CYREN: variants seen among roughly 807,000 people sequenced by gnomAD.
CYREN encodes the protein cell cycle regulator of non-homologous end joining.
In CYREN, 7 loss-of-function variants were observed where a neutral mutation model predicts 9.7. The ratio of observed to expected loss-of-function variants is 0.72; its 90% CI spans 0.41 to 1.36. The LOEUF (loss-of-function observed/expected upper bound fraction) is 1.36. Ranked by LOEUF, CYREN falls within the 40% of genes most tolerant of loss-of-function variation. The pLI, the probability that CYREN is intolerant of heterozygous loss-of-function variation, is 0.01. For missense variants in CYREN, 215 were observed against 198.1 expected (o/e 1.09, Z -0.51); for synonymous variants, 76 against 77.9 (o/e 0.98, Z 0.13).
chr7:135,134,205 T>C (rs1404440841), intron 2 of CYREN, among the ~76,000 whole-genome samples: 4 of 152,012 alleles, frequency 2.6e-5, no homozygotes, highest in African/African-American at 4.8e-5. Context: ...TTTGGGGAAA[T>C]TGGGTGAAGA....
chr7:135,122,570 C>T (rs1827285694), intron 2 of CYREN, among the ~76,000 whole-genome samples: 1 of 152,192 alleles, frequency 6.6e-6, no homozygotes, highest in South Asian at 2.1e-4. Flanking sequence ...TTCCCCCTGC[C>T]ACCCAACTGG....
chr7:135,115,173 C>T (rs1228802439), intron 2 of CYREN, among the ~76,000 whole-genome samples: 1 of 152,278 alleles, frequency 6.6e-6, no homozygotes, highest in Admixed American at 6.5e-5. Flanking sequence ...CTCTACTCCC[C>T]TCCGCAGCTT....
At chr7:135,150,754 G>T (rs1004202896) in intron 2 of CYREN, among the ~76,000 whole-genome samples, 1 of 152,202 alleles carries the variant, frequency 6.6e-6, no homozygotes, top group East Asian at 1.9e-4. Context: ...GTGGCAGGAG[G>T]CTGAGGCAGG....
intron 2 of CYREN, among the ~76,000 whole-genome samples, chr7:135,159,724 A>G (rs895923480): frequency 6.6e-6 from 1 of 152,262 alleles, no homozygotes; most frequent in African/African-American, 2.4e-5. Context: ...CTGAAACTCA[A>G]AATTATTTTT....
chr7:135,167,166 T>A, intron 3 of CYREN: 1 of 985,380 alleles, frequency 1.0e-6, no homozygotes, highest in East Asian at 1.1e-4. Context: ...GAAAGGCCGG[T>A]GACAGAACCC....
chr7:135,095,282 C>T (rs961005663), intron 2 of CYREN, among the ~76,000 whole-genome samples: 2 of 152,108 alleles, frequency 1.3e-5, no homozygotes, highest in African/African-American at 4.8e-5. Flanking sequence ...AGGATACTTC[C>T]TCTCCCCCAT....
rs1830283144 is a variant in CYREN, at chr7:135,167,755, C to T, written c.190G>A (p.Val64Ile). ...YCMNEAEIVD[V>I]ALGILIESRK... ...ACCTCAATCAGGATTCCCAGAGCAA[C>T]ATCAACTATCTCAGCCTCATTCATG... Residue 64 changes from valine to isoleucine, a missense_variant, in exon 3 of 4, where the codon GTT becomes ATT. Coordinates refer to ENST00000393114, the MANE Select transcript of CYREN (RefSeq NM_024033.4). The T allele has an allele frequency of 6.2e-7, 1 of 1,614,164 alleles. No homozygotes were observed. Among genetic ancestry groups the T allele is most frequent in the Admixed American group, 1.7e-5 (1 of 60,020 alleles).
chr7:135,101,032 GAGT>G (rs567958430), intron 2 of CYREN: 1 of 372,130 alleles, frequency 2.7e-6, no homozygotes, highest in South Asian at 2.1e-5. Context: ...ACTCTTACAT[GAGT>G]AGCTTACTGT....
intron 2 of CYREN, chr7:135,135,205 G>A: frequency 6.5e-7 from 1 of 1,545,794 alleles, no homozygotes; most frequent in Non-Finnish European, 8.7e-7. Flanking sequence ...GGATGAGCAG[G>A]CCAATAAGAA....
intron 2 of CYREN, among the ~76,000 whole-genome samples, chr7:135,158,307 C>T (rs1175863788): frequency 1.3e-5 from 2 of 152,248 alleles, no homozygotes; most frequent in African/African-American, 2.4e-5. Context: ...AGCCTGATTT[C>T]CCTGTTAATC....
At chr7:135,109,342 T>A (rs1825260846) in intron 2 of CYREN, among the ~76,000 whole-genome samples, 1 of 152,192 alleles carries the variant, frequency 6.6e-6, no homozygotes, top group African/African-American at 2.4e-5. Context: ...AACCCACCTC[T>A]CCCACTGAGA....
chr7:135,096,558 A>AAGATAGAAAGATAGAT (rs1822773897), intron 2 of CYREN, among the ~76,000 whole-genome samples: 1 of 79,730 alleles, frequency 1.3e-5, no homozygotes, highest in African/African-American at 4.6e-5. Context: ...GAAAGAAAGA[A>AAGATAGAAAGATAGAT]AGATAGATAG....
At chr7:135,110,481 T>C (rs1825468913) in intron 2 of CYREN, among the ~76,000 whole-genome samples, 1 of 152,012 alleles carries the variant, frequency 6.6e-6, no homozygotes, top group African/African-American at 2.4e-5. Context: ...CAGGAATTGG[T>C]GGAGTGGGTT....
chr7:135,113,620 T>C (rs2117166199), intron 2 of CYREN, among the ~76,000 whole-genome samples: 1 of 152,350 alleles, frequency 6.6e-6, no homozygotes, highest in South Asian at 2.1e-4. Context: ...CTTCAGGCTT[T>C]ACTCAGGGTT....
chr7:135,167,674 T>C, intron 3 of CYREN, 58 bp downstream of exon 3: 1 of 1,606,400 alleles, frequency 6.2e-7, no homozygotes, highest in Non-Finnish European at 8.5e-7. Context: ...TGACCAAGGG[T>C]CTAGCCTCTG....
downstream of CYREN, chr7:135,165,357 G>A (rs1830067315): frequency 4.7e-5 from 10 of 212,226 alleles, no homozygotes; most frequent in South Asian, 1.5e-3. Flanking sequence ...AGACTTCCAG[G>A]CTGATTTGCC....
chr7:135,134,426 T>C (rs1427821382), intron 2 of CYREN, among the ~76,000 whole-genome samples: 1 of 152,148 alleles, frequency 6.6e-6, no homozygotes, highest in East Asian at 1.9e-4. Context: ...TTGATTTTTT[T>C]ACTGGTTATA....
downstream of CYREN, among the ~76,000 whole-genome samples, chr7:135,163,125 T>A (rs193069939): frequency 1.3e-5 from 2 of 152,338 alleles, no homozygotes; most frequent in Non-Finnish European, 2.9e-5. Context: ...AGTAATAGTG[T>A]AATGGATGAT....
chr7:135,142,262 G>T (rs893426602), intron 2 of CYREN, among the ~76,000 whole-genome samples: 4 of 152,034 alleles, frequency 2.6e-5, no homozygotes, highest in Non-Finnish European at 2.9e-5. Flanking sequence ...AAACTTAATG[G>T]TATCAATAAA....
Sources: gnomAD v4.1 joint callset for allele counts (sites outside exome capture counted in the v4.1 genomes callset) on GRCh38, gnomAD v4.1.1 for gene constraint, MANE v1.5 for transcripts, NCBI Gene and HGNC (gene_info 2026-07-23, HGNC 2026-07-21) for gene names.